The following CUL9 variants were observed in gnomAD, a reference collection of about 807,000 sequenced individuals.
CUL9 encodes cullin 9.
Under a neutral mutation model 272.6 loss-of-function variants are expected in CUL9, and 79 were observed. The observed-to-expected ratio is 0.29, with a 90% CI of 0.24 to 0.35. The LOEUF is 0.35. Ranked by LOEUF, CUL9 falls within the 10% of genes least tolerant of loss-of-function variation. The pLI is 1.00. For missense variants in CUL9, 2,532 were observed against 3,255.6 expected, an observed-to-expected ratio of 0.78 and a Z score of 5.41; for synonymous variants, 1,186 against 1,286.5, an observed-to-expected ratio of 0.92 and a Z score of 1.67.
At position 43,220,946 on chromosome 6, in the gene CUL9, G is replaced by C. The variant is rs185443326; in HGVS notation, c.6588+35G>C. On this transcript the variant is annotated intron_variant, in intron 33 of 40. Coordinates refer to ENST00000252050, the MANE Select transcript of CUL9 (RefSeq NM_015089.4). This position sits in a 1 kb window ranked among gnomAD's most constrained non-coding sequence, Gnocchi z 4.9. ...CCACACTGGCCCTGACCCTGAGCAAGGATTCACACTCCTTCCCTGCTTAAT... is the reference window on the plus strand; with the variant it reads ...CCACACTGGCCCTGACCCTGAGCAACGATTCACACTCCTTCCCTGCTTAAT... The C allele has an allele frequency of 5.9e-4, 918 of 1,567,666 alleles. 6 individuals are homozygous for C. In the African/African-American group the frequency reaches 0.011, roughly 18 times the overall value.
In CUL9 at chr6:43,204,810, A is replaced by G; in HGVS notation, c.4402A>G (p.Ser1468Gly). The change falls in exon 22 of 41, where the codon AGC becomes GGC. Residue 1468 changes from serine to glycine, a missense_variant. Transcript: ENST00000252050. ...PAPSPVLPSS[S>G]LRNITQCWLS... ...GCCTTCGCCAGTGCTTCCAAGCAGC[A>G]GCCTGAGGAACATAACCCAGTGCTG... 1 of 1,614,230 alleles carries G rather than the reference A, an allele frequency of 6.2e-7. No homozygotes were observed. Among genetic ancestry groups the G allele is most frequent in the South Asian group, 1.1e-5 (1 of 91,086 alleles).
At chr6:43,222,282 A>T (rs1776431595) in intron 35 of CUL9, 34 bp from the exon 36 acceptor site, 1 of 1,595,472 alleles carries the variant, frequency 6.3e-7, no homozygotes, top group Non-Finnish European at 8.6e-7. Flanking sequence ...TCCAAACAAA[A>T]CACCCAATAG....
Position 43,184,717 on chromosome 6 carries a change from C to T in CUL9, c.407C>T (p.Pro136Leu). The change falls in exon 2 of 41, where the codon CCA (proline) becomes CTA (leucine). Residue 136 changes from proline to leucine, a missense_variant. Pro to Leu is a moderately conservative substitution (Grantham distance 98, BLOSUM62 -3). Transcript: ENST00000252050. The surrounding 1 kb of genome is among the most constrained non-coding windows in gnomAD (Gnocchi z 4.8). ...AARQLAESGT[P>L]SLTAAVLHTI... ...AGGCAGCTGGCAGAAAGTGGGACCC[C>T]AAGCCTCACGGCCGCTGTGCTTCAC... The T allele has an allele frequency of 6.2e-7, 1 of 1,614,134 alleles. No homozygotes were observed. Among genetic ancestry groups the T allele is most frequent in the African/African-American group, 1.3e-5 (1 of 75,062 alleles).
chr6:43,195,962 T>C (rs1773958136), intron 9 of CUL9, 107 bp from the exon 10 acceptor site: 1 of 841,204 alleles, frequency 1.2e-6, no homozygotes, highest in Admixed American at 2.2e-5. Context: ...ACTCTACCTA[T>C]CTGCAAACAG....
chr6:43,193,183 T>C lies in CUL9; in HGVS notation c.2363T>C (p.Val788Ala). ...TGCATGCAAGAATATAAGACTTCTG[T>C]CTTGGTGCAGCAGGCTGGGCTGGCG... ...LVCMQEYKTS[V>A]LVQQAGLAAL... Residue 788 changes from valine to alanine, a missense_variant, in exon 9 of 41, where the codon GTC (valine) becomes GCC (alanine). Val to Ala is a moderately conservative substitution (Grantham distance 64). This residue lies in a region of CUL9 where 2,218 missense variants were observed against 2,788.6 expected (regional missense o/e 0.80). Transcript: ENST00000252050. 6.2e-7 allele frequency: 1 copy of C among 1,614,012 alleles called. No individual in the cohort carries two copies. Among genetic ancestry groups the C allele is most frequent in the Non-Finnish European group, 8.5e-7 (1 of 1,179,994 alleles).
At chr6:43,216,900 T>C (rs1374320112) in intron 31 of CUL9, among the ~76,000 whole-genome samples, 5 of 152,220 alleles carry the variant, frequency 3.3e-5, no homozygotes, top group Non-Finnish European at 7.3e-5. Context: ...CTAAGAGATA[T>C]ACGTGTAAAA....
chr6:43,190,362 T>C lies in CUL9; in HGVS notation c.2180+1647T>C, dbSNP rs762270601. 6.0e-4 allele frequency among the ~76,000 whole-genome samples: 91 copies of C among 152,196 alleles called. 1 individual carries two copies. The highest frequency in any genetic ancestry group is 6.3e-4 in the Non-Finnish European group (43 of 68,042). On this transcript the variant is annotated intron_variant, in intron 8 of 40. Transcript: ENST00000252050. The stretch of plus-strand genomic sequence containing the variant: ...CCCACTTTTTAATTGGATCTTTGCC[T>C]TTTTTAATGTATTTATAGGCATTTT...
chr6:43,195,617 G>A (rs1272632509), intron 9 of CUL9, among the ~76,000 whole-genome samples: 1 of 152,188 alleles, frequency 6.6e-6, no homozygotes, highest in Non-Finnish European at 1.5e-5. Flanking sequence ...CCAGGAGGAT[G>A]TGAAGTCATG....
chr6:43,198,948 T>G lies in CUL9; in HGVS notation c.3050+93T>G, dbSNP rs1013741982. 4.1e-6 allele frequency: 6 copies of G among 1,476,092 alleles called. No individual in the cohort carries two copies. The African/African-American group carries it at 8.5e-5, about 21-fold the overall frequency. The allele number at this position is 1,476,092 out of a possible 1,614,324, so 91.4% of individuals were successfully genotyped here. On this transcript the variant is annotated intron_variant, in intron 12 of 40. Coordinates refer to ENST00000252050, the MANE Select transcript of CUL9 (RefSeq NM_015089.4). ...GTTTCTTTTCTGTTTTCTTTTTTTT[T>G]TTTTTGAGTTGGAGTTTCACTCTTG...
intron 26 of CUL9, among the ~76,000 whole-genome samples, chr6:43,208,032 T>C (rs1197351901): frequency 1.3e-5 from 2 of 152,222 alleles, no homozygotes; most frequent in African/African-American, 4.8e-5. Context: ...TTGGCTATTT[T>C]GTTAGAAGGT....
In CUL9 at chr6:43,185,624, TG is replaced by T. The variant is rs560399100; in HGVS notation, c.750+15del. ...CATCTGCCTCAGGTACACTGCCAGC[TG>T]TAGGGAAATGCTGTGTACAAGGGCT... On this transcript the variant is annotated intron_variant, in intron 3 of 40. Coordinates refer to ENST00000252050, the MANE Select transcript of CUL9 (RefSeq NM_015089.4). 276 of 1,607,762 alleles carry T rather than the reference TG, an allele frequency of 1.7e-4. 4 individuals are homozygous for T. In the South Asian group the frequency reaches 2.9e-3, roughly 17 times the overall value.
rs776318222 is a variant in CUL9 at position 43,224,073 on chromosome 6, A to T, written c.7285-22A>T. ...CCCCATGCCCTCTACCTCCTTCTCA[A>T]ATCCTTCTGTCTGCTCACCAGGATT... On this transcript the variant is annotated intron_variant, in intron 39 of 40. Coordinates refer to ENST00000252050, the MANE Select transcript of CUL9 (RefSeq NM_015089.4). The surrounding 1 kb of genome is among the most constrained non-coding windows in gnomAD (Gnocchi z 4.2). 6.2e-7 allele frequency: 1 copy of T among 1,613,728 alleles called. No individual in the cohort carries two copies. The highest frequency in any genetic ancestry group is 1.3e-5 in the African/African-American group (1 of 75,028).
chr6:43,191,139 GT>G (rs1056625798), intron 8 of CUL9, among the ~76,000 whole-genome samples: 1 of 149,984 alleles, frequency 6.7e-6, no homozygotes, highest in Non-Finnish European at 1.5e-5. Context: ...CCATGATTTT[GT>G]TTTTTTTAAA....
At chr6:43,185,374 G>C in intron 2 of CUL9, 82 bp from the exon 3 acceptor site, 1 of 1,463,326 alleles carries the variant, frequency 6.8e-7, no homozygotes, top group South Asian at 1.2e-5. Context: ...GAAAGCGTCT[G>C]GGGTAGGAGA....
At chr6:43,196,369 C>A in intron 10 of CUL9, 104 bp downstream of exon 10, 1 of 1,169,110 alleles carries the variant, frequency 8.6e-7, no homozygotes, top group South Asian at 1.5e-5. Context: ...CTCACGCTGT[C>A]ACCTCCGGAT....
chr6:43,196,340 GTACTCCA>G, intron 10 of CUL9, 75 bp downstream of exon 10: 15 of 1,392,346 alleles, frequency 1.1e-5, no homozygotes, highest in Non-Finnish European at 1.5e-5. Flanking sequence ...CCAGGCTCAT[GTACTCCA>G]CAGAAATTCC....
Position 43,184,952 on chromosome 6 carries a change from C to A in CUL9, c.595+47C>A. The A allele has an allele frequency of 7.1e-7, 1 of 1,403,802 alleles. No homozygotes were observed. The highest frequency in any genetic ancestry group is 9.7e-7 in the Non-Finnish European group (1 of 1,029,480). 87.0% of individuals were successfully genotyped at this position (1,403,802 alleles called of 1,614,324 possible). A position where few individuals can be genotyped will look rare whatever the true frequency, so the allele number is the denominator to read the frequency against. On this transcript the variant is annotated intron_variant, in intron 2 of 40. Coordinates refer to ENST00000252050, the MANE Select transcript of CUL9 (RefSeq NM_015089.4). The surrounding 1 kb of genome is among the most constrained non-coding windows in gnomAD (Gnocchi z 4.8). The stretch of plus-strand genomic sequence containing the variant: ...AGGAAAGGAATGGAGAAAATGGGGC[C>A]ACAGGGAATAAGAAAGAGGAGAGAT...
rs1175683234 is a variant in CUL9, at chr6:43,223,638, G to A, written c.7284+241G>A. ...AAGGGGTTGGCTAGCCCACATCAAG[G>A]GTATTTGGTCAGGTGCCTATCAGAA... On this transcript the variant is annotated intron_variant, in intron 39 of 40. Transcript: ENST00000252050. This position sits in a 1 kb window ranked among gnomAD's most constrained non-coding sequence, Gnocchi z 4.1. 1 of 577,086 alleles carries A rather than the reference G, an allele frequency of 1.7e-6. No individual in the cohort carries two copies. The highest frequency in any genetic ancestry group is 1.9e-5 in the African/African-American group (1 of 53,740). 35.7% of individuals were successfully genotyped at this position (577,086 alleles called of 1,614,324 possible). A position where few individuals can be genotyped will look rare whatever the true frequency, so the allele number is the denominator to read the frequency against.
chr6:43,184,687 C>T lies in CUL9; in HGVS notation c.377C>T (p.Ala126Val), dbSNP rs1003301879. 4 of 1,612,944 alleles carry T rather than the reference C, an allele frequency of 2.5e-6. No homozygotes were observed. Among genetic ancestry groups the T allele is most frequent in the African/African-American group, 1.3e-5 (1 of 75,052 alleles). Residue 126 changes from alanine (A) to valine (V), a missense_variant, in exon 2 of 41, where the codon GCG becomes GTG. Around this residue, in one of 3 missense-constraint regions of CUL9, gnomAD observed 2,218 missense variants for 2,788.6 expected, o/e 0.80. Transcript: ENST00000252050. This position sits in a 1 kb window ranked among gnomAD's most constrained non-coding sequence, Gnocchi z 4.8. ...GATGTTCAGGCGCTGGTACGCAGGG[C>T]GGCCAGGCAGCTGGCAGAAAGTGGG... ...EADVQALVRRAARQLAESGTP... is the reference protein window; with the variant it reads ...EADVQALVRRVARQLAESGTP...
Sources: gnomAD v4.1 joint callset for allele counts (sites outside exome capture counted in the v4.1 genomes callset) on GRCh38, gnomAD v4.1.1 for gene constraint, gnomAD v4.1.1 regional missense constraint, Gnocchi (gnomAD v3.1) non-coding constraint, MANE v1.5 for transcripts, NCBI Gene and HGNC (gene_info 2026-07-23, HGNC 2026-07-21) for gene names.